PDS5A: variants seen among roughly 807,000 people sequenced by gnomAD.
PDS5A encodes the protein PDS5 cohesin associated factor A.
A neutral mutation model predicts 167.1 loss-of-function variants in PDS5A; 42 were observed. The observed-to-expected ratio is 0.25, with a 90% CI of 0.20 to 0.33. PDS5A has a LOEUF of 0.33. Ranked by LOEUF, PDS5A falls within the 10% of genes least tolerant of loss-of-function variation. The pLI is 1.00. For synonymous variants in PDS5A, 553 were observed against 554.6 expected (o/e 1.00, Z 0.04); for missense variants, 1,033 against 1,605.9 (o/e 0.64, Z 6.10).
intron 12 of PDS5A, among the ~76,000 whole-genome samples, chr4:39,903,127 G>A (rs576364597): frequency 2.6e-4 from 40 of 152,288 alleles, no homozygotes; most frequent in African/African-American, 8.9e-4. Flanking sequence ...TATGATCCGC[G>A]GTAGAGCTAA....
chr4:39,874,523 T>C, intron 19 of PDS5A, 111 bp from the exon 20 acceptor site: 2 of 808,012 alleles, frequency 2.5e-6, no homozygotes, highest in Admixed American at 5.2e-5. Context: ...GAGAAGGCTC[T>C]CTTAAAAATT....
intron 16 of PDS5A, among the ~76,000 whole-genome samples, chr4:39,891,763 T>A (rs778306325): frequency 2.7e-4 from 41 of 152,308 alleles, no homozygotes; most frequent in Non-Finnish European, 4.9e-4. Context: ...TAGAATTTTA[T>A]TTATAAGTTA....
rs1191885766 is a variant in PDS5A at position 39,838,064 on chromosome 4, G to A, written c.3802C>T (p.Pro1268Ser). ...GACTTGGGTCGACGTCCTCTCCTGG[G>A]TTTGGAAGGGGCGGGAGGTCCCGAT... is the stretch of plus-strand genomic sequence containing the variant. ...DESGPPAPSK[P>S]RRGRRPKSES... Residue 1268 changes from proline (P) to serine (S), a missense_variant, in exon 32 of 33, where the codon CCC (proline) becomes TCC (serine). By Grantham distance (74) the Pro-to-Ser change is moderately conservative. Coordinates refer to ENST00000303538, the MANE Select transcript of PDS5A (RefSeq NM_001100399.2). The A allele has an allele frequency of 2.0e-5, 33 of 1,613,840 alleles. No individual in the cohort carries two copies. The highest frequency in any genetic ancestry group is 3.3e-5 in the Admixed American group (2 of 59,988).
At chr4:39,948,621 A>ATTTTTT (rs55951253) in intron 2 of PDS5A, among the ~76,000 whole-genome samples, 4 of 110,932 alleles carry the variant, frequency 3.6e-5, no homozygotes, top group South Asian at 3.0e-4. Flanking sequence ...CCACGCCTGG[A>ATTTTTT]TTTTTTTTTT....
chr4:39,910,612 T>A (rs1411496094), intron 9 of PDS5A, among the ~76,000 whole-genome samples: 2 of 152,214 alleles, frequency 1.3e-5, no homozygotes, highest in Non-Finnish European at 2.9e-5. Context: ...ACCCAAACTA[T>A]ACACTTTATG....
chr4:39,961,295 T>C (rs1355884691), intron 2 of PDS5A, among the ~76,000 whole-genome samples: 1 of 152,130 alleles, frequency 6.6e-6, no homozygotes, highest in African/African-American at 2.4e-5. Flanking sequence ...TTCCTTTTAT[T>C]TTTTATTTAT....
intron 11 of PDS5A, among the ~76,000 whole-genome samples, chr4:39,906,498 G>A (rs1723361874): frequency 6.6e-6 from 1 of 151,924 alleles, no homozygotes; most frequent in South Asian, 2.1e-4. Context: ...GTTTAATAGG[G>A]TAGGAAAGAA....
At chr4:39,915,069 T>C (rs1194298986) in intron 8 of PDS5A, among the ~76,000 whole-genome samples, 2 of 152,044 alleles carry the variant, frequency 1.3e-5, no homozygotes, top group Non-Finnish European at 2.9e-5. Context: ...GTAAGAGTCT[T>C]GCTCTGTTGC....
intron 2 of PDS5A, among the ~76,000 whole-genome samples, chr4:39,960,217 C>T (rs145661147): frequency 1.3e-5 from 2 of 151,762 alleles, no homozygotes; most frequent in South Asian, 2.1e-4. Context: ...TGCAGTGAGC[C>T]GAAATTGTAC....
At chr4:39,892,389 C>G (rs903263499) in intron 16 of PDS5A, among the ~76,000 whole-genome samples, 2 of 152,192 alleles carry the variant, frequency 1.3e-5, no homozygotes, top group Admixed American at 6.5e-5. Flanking sequence ...ACGCTATCTT[C>G]TTCCCTAAAG....
chr4:39,945,030 G>A (rs565417163), intron 2 of PDS5A, among the ~76,000 whole-genome samples: 6 of 152,092 alleles, frequency 3.9e-5, no homozygotes, highest in East Asian at 3.9e-4. Flanking sequence ...CCTGCTATGC[G>A]TCAGGTACAT....
chr4:39,927,428 C>G (rs1725570661), intron 3 of PDS5A, among the ~76,000 whole-genome samples: 1 of 152,066 alleles, frequency 6.6e-6, no homozygotes, highest in African/African-American at 2.4e-5. Context: ...GATTTTAGGA[C>G]TATTTTTAAA....
chr4:39,839,227 G>A (rs1716721755), intron 31 of PDS5A, among the ~76,000 whole-genome samples: 1 of 150,710 alleles, frequency 6.6e-6, no homozygotes, highest in South Asian at 2.1e-4. Flanking sequence ...CTGACATGCT[G>A]TGTTTCAAAC....
intron 26 of PDS5A, among the ~76,000 whole-genome samples, chr4:39,852,046 G>A (rs1347143545): frequency 6.6e-6 from 1 of 152,098 alleles, no homozygotes; most frequent in African/African-American, 2.4e-5. Context: ...ACATAATAGA[G>A]AATTTATTCC....
At chr4:39,924,151 T>G (rs1725258315) in intron 5 of PDS5A, among the ~76,000 whole-genome samples, 1 of 152,144 alleles carries the variant, frequency 6.6e-6, no homozygotes, top group Admixed American at 6.6e-5. Context: ...CCTGAATGGA[T>G]GAGACATGTG....
intron 31 of PDS5A, among the ~76,000 whole-genome samples, chr4:39,839,987 A>G (rs966147484): frequency 1.6e-4 from 24 of 151,942 alleles, no homozygotes; most frequent in Non-Finnish European, 2.5e-4. Context: ...CCAGCTACTC[A>G]GGAGGCTGAG....
rs1477614390 is a variant in PDS5A, at chr4:39,824,516, AT to A, written c.*968del. ...ATTTCCAAATAGCACAATGCTGAAA[AT>A]TGATAGCAATCCTAAAACACCTCCA... On this transcript the variant is annotated 3_prime_UTR_variant, in exon 33 of 33. Coordinates refer to ENST00000303538, the MANE Select transcript of PDS5A (RefSeq NM_001100399.2). 1 of 152,574 alleles carries A rather than the reference AT, an allele frequency of 6.6e-6. No individual in the cohort carries two copies. The highest frequency in any genetic ancestry group is 1.5e-5 in the Non-Finnish European group (1 of 68,036). The allele number at this position is 152,574 out of a possible 1,614,324, so 9.5% of individuals were successfully genotyped here. A position where few individuals can be genotyped will look rare whatever the true frequency, so the allele number is the denominator to read the frequency against.
intron 31 of PDS5A, among the ~76,000 whole-genome samples, chr4:39,839,506 T>C (rs1416690153): frequency 6.6e-6 from 1 of 151,466 alleles, no homozygotes; most frequent in South Asian, 2.1e-4. Context: ...GAGGCGGAGG[T>C]TGCAGTAAGC....
intron 18 of PDS5A, among the ~76,000 whole-genome samples, chr4:39,877,965 T>C (rs1247538692): frequency 6.6e-6 from 1 of 152,250 alleles, no homozygotes; most frequent in Non-Finnish European, 1.5e-5. Flanking sequence ...TGTGAACTTT[T>C]AATTATGATT....
Sources: gnomAD v4.1 joint callset for allele counts (sites outside exome capture counted in the v4.1 genomes callset) on GRCh38, gnomAD v4.1.1 for gene constraint, MANE v1.5 for transcripts, NCBI Gene and HGNC (gene_info 2026-07-23, HGNC 2026-07-21) for gene names.